Variants in KCNQ5 observed in about 807,000 individuals in gnomAD.
KCNQ5 encodes potassium voltage-gated channel subfamily KQT member 5.
KCNQ5 carries 30 observed loss-of-function variants against 98.2 expected under a neutral mutation model. That is an observed-to-expected ratio of 0.31 (90% confidence interval 0.23 to 0.41). The LOEUF is 0.41. Among genes scored for constraint, KCNQ5 ranks in the 10% least tolerant of loss-of-function variants. The pLI is 1.00. For synonymous variants in KCNQ5, 458 were observed against 449.4 expected (o/e 1.02, Z -0.24); for missense variants, 835 against 1,182.5 (o/e 0.71, Z 4.31).
At chr6:72,796,183 T>C (rs1037909688) in intron 1 of KCNQ5, among the ~76,000 whole-genome samples, 3 of 152,188 alleles carry the variant, frequency 2.0e-5, no homozygotes, top group African/African-American at 7.2e-5. Flanking sequence ...TTATTAAATA[T>C]AATTTATGGA....
At chr6:72,715,665 A>C (rs1487595455) in intron 1 of KCNQ5, among the ~76,000 whole-genome samples, 4 of 152,202 alleles carry the variant, frequency 2.6e-5, no homozygotes, top group Non-Finnish European at 5.9e-5. Flanking sequence ...ATGCCTCTAA[A>C]TTTTAAAAAG....
At chr6:72,901,283 T>G (rs1398580838) in intron 1 of KCNQ5, among the ~76,000 whole-genome samples, 4 of 152,156 alleles carry the variant, frequency 2.6e-5, no homozygotes, top group Non-Finnish European at 5.9e-5. Context: ...TGTGAAGATT[T>G]TCTTCCGTTC....
intron 1 of KCNQ5, among the ~76,000 whole-genome samples, chr6:72,882,114 T>C (rs567045051): frequency 7.9e-5 from 12 of 152,348 alleles, no homozygotes; most frequent in African/African-American, 2.6e-4. Flanking sequence ...AGTAAATTTA[T>C]CTGGACACTT....
At chr6:73,098,052 A>T (rs1246344710) in intron 5 of KCNQ5, among the ~76,000 whole-genome samples, 1 of 152,170 alleles carries the variant, frequency 6.6e-6, no homozygotes, top group Non-Finnish European at 1.5e-5. Flanking sequence ...TCAGAATTTT[A>T]TCAGATAAAT....
chr6:72,886,903 CAT>C (rs1004475659), intron 1 of KCNQ5, among the ~76,000 whole-genome samples: 57 of 152,084 alleles, frequency 3.7e-4, no homozygotes, highest in African/African-American at 1.4e-3. Flanking sequence ...GAAACCCTCA[CAT>C]GTGTATTTTC....
intron 2 of KCNQ5, among the ~76,000 whole-genome samples, chr6:73,031,999 G>C (rs762726417): frequency 6.6e-6 from 1 of 152,066 alleles, no homozygotes; most frequent in Non-Finnish European, 1.5e-5. Context: ...GCCCAGCCCT[G>C]ACCTGCCTCT....
chr6:72,841,232 C>G (rs1776775272), intron 1 of KCNQ5, among the ~76,000 whole-genome samples: 1 of 152,106 alleles, frequency 6.6e-6, no homozygotes, highest in Non-Finnish European at 1.5e-5. Context: ...TTTTGCATTA[C>G]CACTATTTTG....
At chr6:73,068,591 C>T (rs575990785) in intron 3 of KCNQ5, among the ~76,000 whole-genome samples, 19 of 152,164 alleles carry the variant, frequency 1.2e-4, no homozygotes, top group African/African-American at 4.6e-4. Flanking sequence ...GATAAAGAAA[C>T]TGAGGCACAG....
intron 1 of KCNQ5, among the ~76,000 whole-genome samples, chr6:72,637,570 T>A (rs1265979657): frequency 6.6e-6 from 1 of 152,160 alleles, no homozygotes; most frequent in African/African-American, 2.4e-5. Flanking sequence ...TTCATTGCAA[T>A]CTCTAAAGTG....
chr6:73,082,753 G>A (rs1488025305), intron 5 of KCNQ5, among the ~76,000 whole-genome samples: 1 of 152,150 alleles, frequency 6.6e-6, no homozygotes, highest in African/African-American at 2.4e-5. Context: ...TGACTGGCCA[G>A]ATTAACCAAC....
chr6:72,904,729 A>G (rs1457005035), intron 1 of KCNQ5, among the ~76,000 whole-genome samples: 1 of 152,208 alleles, frequency 6.6e-6, no homozygotes, highest in African/African-American at 2.4e-5. Flanking sequence ...CTGCTTAGAA[A>G]TCTGCTGTTA....
intron 1 of KCNQ5, among the ~76,000 whole-genome samples, chr6:72,967,340 T>TAATG (rs1767667541): frequency 6.6e-6 from 1 of 152,206 alleles, no homozygotes; most frequent in Admixed American, 6.5e-5. Context: ...TAGTGAAATA[T>TAATG]AATGGTATTA....
At chr6:72,979,577 C>T (rs1768331960) in intron 1 of KCNQ5, among the ~76,000 whole-genome samples, 1 of 152,092 alleles carries the variant, frequency 6.6e-6, no homozygotes, top group South Asian at 2.1e-4. Flanking sequence ...TGGATATTAG[C>T]CCTTTGTTAG....
intron 2 of KCNQ5, among the ~76,000 whole-genome samples, chr6:73,018,616 G>A (rs1434930454): frequency 6.6e-6 from 1 of 151,964 alleles, no homozygotes; most frequent in African/African-American, 2.4e-5. Flanking sequence ...TTATATAACA[G>A]CTGTACACTG....
intron 10 of KCNQ5, among the ~76,000 whole-genome samples, chr6:73,168,971 C>T (rs1171165173): frequency 6.6e-6 from 1 of 152,090 alleles, no homozygotes; most frequent in African/African-American, 2.4e-5. Context: ...ATAAACCTAC[C>T]AATATTCATT....
intron 1 of KCNQ5, among the ~76,000 whole-genome samples, chr6:72,764,112 C>G (rs1772432848): frequency 6.6e-6 from 1 of 151,788 alleles, no homozygotes; most frequent in Admixed American, 6.6e-5. Flanking sequence ...AGAAAGGCTG[C>G]ATTTGCCAAG....
In KCNQ5 at chr6:72,679,291, C is replaced by A. The variant is rs565093207; in HGVS notation, c.398+56704C>A. On this transcript the variant is annotated intron_variant, in intron 1 of 13. Coordinates refer to ENST00000370398, the MANE Select transcript of KCNQ5 (RefSeq NM_019842.4). ...ATGCACACGTATGTTTATTGCGACA[C>A]TATTCACAATAGCAAAGACTTGGAA... is the stretch of plus-strand genomic sequence containing the variant. Among the ~76,000 whole-genome samples, 3 of 152,164 alleles carry A rather than the reference C, an allele frequency of 2.0e-5. No individual in the cohort carries two copies. In the South Asian group the frequency reaches 6.2e-4, roughly 32 times the overall value.
intron 3 of KCNQ5, among the ~76,000 whole-genome samples, chr6:73,050,493 T>C (rs1772184276): frequency 6.6e-6 from 1 of 152,108 alleles, no homozygotes; most frequent in South Asian, 2.1e-4. Context: ...TACCTAACTT[T>C]CCCCAAAATA....
chr6:72,925,471 G>A (rs1230050031), intron 1 of KCNQ5, among the ~76,000 whole-genome samples: 1 of 152,164 alleles, frequency 6.6e-6, no homozygotes, highest in African/African-American at 2.4e-5. Context: ...ATTCATTTAT[G>A]CATTCAAATA....
Sources: gnomAD v4.1 joint callset for allele counts (sites outside exome capture counted in the v4.1 genomes callset) on GRCh38, gnomAD v4.1.1 for gene constraint, MANE v1.5 for transcripts, NCBI Gene and HGNC (gene_info 2026-07-23, HGNC 2026-07-21) for gene names.